SGK1: variants seen among roughly 807,000 people sequenced by gnomAD.
SGK1 encodes serine/threonine-protein kinase Sgk1.
In SGK1, 26 loss-of-function variants were observed where a neutral mutation model predicts 64.2. That is an observed-to-expected ratio of 0.40 (90% confidence interval 0.30 to 0.56). The LOEUF is 0.56. Among genes scored for constraint, SGK1 ranks in the 20% least tolerant of loss-of-function variants. The pLI, the probability that SGK1 is intolerant of heterozygous loss-of-function variation, is 0.38. For synonymous variants in SGK1, 265 were observed against 239.7 expected, an observed-to-expected ratio of 1.11 and a Z score of -0.98; for missense variants, 519 against 645.6, an observed-to-expected ratio of 0.80 and a Z score of 2.12.
intron 1 of SGK1, among the ~76,000 whole-genome samples, chr6:134,262,751 A>C (rs1776786711): frequency 6.6e-6 from 1 of 151,838 alleles, no homozygotes; most frequent in African/African-American, 2.4e-5. Flanking sequence ...AAACAAACAA[A>C]AACAATTACC....
intron 3 of SGK1, among the ~76,000 whole-genome samples, chr6:134,188,951 G>A (rs1215436934): frequency 1.8e-5 from 2 of 111,208 alleles, no homozygotes; most frequent in Admixed American, 2.3e-4. Flanking sequence ...CTCCTATGTT[G>A]CCCAGGCTGG....
intron 2 of SGK1, among the ~76,000 whole-genome samples, chr6:134,217,894 T>C (rs1776012831): frequency 6.6e-6 from 1 of 152,202 alleles, no homozygotes; most frequent in Non-Finnish European, 1.5e-5. Flanking sequence ...TTTATTTTGA[T>C]ATTTTTCAGT....
chr6:134,190,270 A>T (rs1475502721), intron 3 of SGK1, among the ~76,000 whole-genome samples: 1 of 148,002 alleles, frequency 6.8e-6, no homozygotes, highest in Non-Finnish European at 1.5e-5. Context: ...TGTCATACAT[A>T]GTTCCTTCCT....
At chr6:134,228,585 C>T (rs772979206) in intron 2 of SGK1, among the ~76,000 whole-genome samples, 1 of 152,112 alleles carries the variant, frequency 6.6e-6, no homozygotes, top group Non-Finnish European at 1.5e-5. Flanking sequence ...TTTTTTGTGC[C>T]TTAGCATAAC....
At chr6:134,207,095 G>A (rs780087406) in intron 3 of SGK1, among the ~76,000 whole-genome samples, 98 of 151,370 alleles carry the variant, frequency 6.5e-4, no homozygotes, top group Non-Finnish European at 1.2e-3. Context: ...GCATGGTGGC[G>A]GGCGCCTACA....
intron 3 of SGK1, chr6:134,175,920 A>T: frequency 1.0e-5 from 10 of 989,738 alleles, no homozygotes; most frequent in East Asian, 5.9e-5. Flanking sequence ...GGGGAGGGAG[A>T]GGTCAGGAAT....
Position 134,170,108 on chromosome 6 carries a change from A to C in SGK1, c.*160T>G. On this transcript the variant is annotated 3_prime_UTR_variant, in exon 14 of 14. Transcript: ENST00000367858. Reference sequence around the variant, plus strand: ...GCTCACTGAGGAGAATGTGCTCTTCAAAAAGCTTCCAGCGAACAGTGTGCA... The same window carrying C: ...GCTCACTGAGGAGAATGTGCTCTTCCAAAAGCTTCCAGCGAACAGTGTGCA... The C allele has an allele frequency of 1.9e-6, 1 of 537,528 alleles. No homozygotes were observed. Among genetic ancestry groups the C allele is most frequent in the Non-Finnish European group, 3.2e-6 (1 of 308,750 alleles). 33.3% of individuals were successfully genotyped at this position (537,528 alleles called of 1,614,324 possible).
At chr6:134,232,423 G>T (rs1776297035) in intron 2 of SGK1, among the ~76,000 whole-genome samples, 1 of 23,136 alleles carries the variant, frequency 4.3e-5, no homozygotes, top group Non-Finnish European at 9.1e-5. Context: ...GAGAAAGAAA[G>T]AAAGAAAGAA....
At chr6:134,195,733 TC>T (rs1775585255) in intron 3 of SGK1, among the ~76,000 whole-genome samples, 1 of 152,232 alleles carries the variant, frequency 6.6e-6, no homozygotes, top group Non-Finnish European at 1.5e-5. Context: ...CAACTAAGGT[TC>T]GCTCCAATTT....
At chr6:134,194,911 T>G (rs1461421715) in intron 3 of SGK1, among the ~76,000 whole-genome samples, 1 of 152,226 alleles carries the variant, frequency 6.6e-6, no homozygotes, top group Non-Finnish European at 1.5e-5. Flanking sequence ...GCTGAATATT[T>G]CAGCATGCCT....
At chr6:134,207,035 C>T (rs1385663817) in intron 3 of SGK1, among the ~76,000 whole-genome samples, 1 of 151,952 alleles carries the variant, frequency 6.6e-6, no homozygotes, top group Non-Finnish European at 1.5e-5. Context: ...ACCATCCTGG[C>T]TGACACGGTG....
chr6:134,194,604 C>T (rs989815389), intron 3 of SGK1, among the ~76,000 whole-genome samples: 5 of 151,626 alleles, frequency 3.3e-5, no homozygotes, highest in Admixed American at 6.6e-5. Flanking sequence ...CTGCAACCTC[C>T]GCCGCCTCCC....
intron 3 of SGK1, among the ~76,000 whole-genome samples, chr6:134,180,921 C>G (rs1320643077): frequency 1.3e-5 from 2 of 150,608 alleles, no homozygotes; most frequent in Non-Finnish European, 3.0e-5. Flanking sequence ...CATGCCTTTA[C>G]TGTTAGGCAT....
At position 134,170,924 on chromosome 6, in the gene SGK1, A is replaced by T. The variant is rs767295240; in HGVS notation, c.1324-9T>A. The T allele has an allele frequency of 1.9e-6, 3 of 1,608,752 alleles. No individual in the cohort carries two copies. Among genetic ancestry groups the T allele is most frequent in the Non-Finnish European group, 2.6e-6 (3 of 1,175,336 alleles). ...TGACTCTTAATCTCCATCTGTTGATAAGAAACCCAAGATTAATTTAGACAG... is the reference window on the plus strand; with the variant it reads ...TGACTCTTAATCTCCATCTGTTGATTAGAAACCCAAGATTAATTTAGACAG... On this transcript the variant is annotated splice_polypyrimidine_tract_variant and intron_variant, in intron 12 of 13. Coordinates refer to ENST00000367858, the MANE Select transcript of SGK1 (RefSeq NM_001143676.3).
chr6:134,189,749 GT>G (rs2114663564), intron 3 of SGK1, among the ~76,000 whole-genome samples: 1 of 152,274 alleles, frequency 6.6e-6, no homozygotes, highest in East Asian at 1.9e-4. Flanking sequence ...CATAAATCCA[GT>G]TTAGCAAGGT....
At chr6:134,298,193 G>T in intron 1 of SGK1, 2 of 1,503,502 alleles carry the variant, frequency 1.3e-6, no homozygotes, top group Non-Finnish European at 9.2e-7. Flanking sequence ...ACCAGCCCCT[G>T]CATGTTGCCA....
At chr6:134,265,296 C>CA (rs1776832921) in intron 1 of SGK1, among the ~76,000 whole-genome samples, 1 of 151,660 alleles carries the variant, frequency 6.6e-6, no homozygotes, top group South Asian at 2.1e-4. Context: ...CCCATCTCTA[C>CA]AAAAAACACA....
At chr6:134,280,125 G>T (rs559156149) in intron 1 of SGK1, among the ~76,000 whole-genome samples, 101 of 150,914 alleles carry the variant, frequency 6.7e-4, no homozygotes, top group African/African-American at 2.3e-3. Flanking sequence ...AGCCCAGGAG[G>T]TTGAGGCTGC....
At chr6:134,209,805 T>C (rs1775857755) in intron 2 of SGK1, among the ~76,000 whole-genome samples, 1 of 152,168 alleles carries the variant, frequency 6.6e-6, no homozygotes, top group African/African-American at 2.4e-5. Flanking sequence ...GCCTCAATAG[T>C]AGCTGGGATT....
Sources: gnomAD v4.1 joint callset for allele counts (sites outside exome capture counted in the v4.1 genomes callset) on GRCh38, gnomAD v4.1.1 for gene constraint, MANE v1.5 for transcripts, NCBI Gene and HGNC (gene_info 2026-07-23, HGNC 2026-07-21) for gene names.